CFAP65: variants seen among roughly 807,000 people sequenced by gnomAD.
CFAP65 encodes cilia and flagella associated protein 65.
In CFAP65, 155 loss-of-function variants were observed where a neutral mutation model predicts 208.0. The ratio of observed to expected loss-of-function variants is 0.75; its 90% CI spans 0.65 to 0.85. The LOEUF (loss-of-function observed/expected upper bound fraction) is 0.85. Among genes scored for constraint, CFAP65 ranks in the 40% least tolerant of loss-of-function variants. The probability of loss-of-function intolerance (pLI) is 0.00; values close to 1 mark genes in which losing one functional copy is unlikely to be tolerated. For missense variants in CFAP65, 2,294 were observed against 2,451.3 expected, an observed-to-expected ratio of 0.94 and a Z score of 1.36; for synonymous variants, 970 against 986.3, an observed-to-expected ratio of 0.98 and a Z score of 0.31.
At position 219,038,653 on chromosome 2, in the gene CFAP65, C is replaced by T. The variant is rs116082698; in HGVS notation, c.154-75G>A. On this transcript the variant is annotated intron_variant, in intron 3 of 34. Transcript: ENST00000341552. ...AGGCTGAGGGAGGAGACTCTCATGG[C>T]CATCCTTGTCATGGAGGAGAGGGTC... 786 of 1,372,382 alleles carry T rather than the reference C, an allele frequency of 5.7e-4. 4 individuals are homozygous for T. In the African/African-American group the frequency reaches 0.01, roughly 18 times the overall value. 85.0% of individuals were successfully genotyped at this position (1,372,382 alleles called of 1,614,324 possible).
chr2:219,025,999 AC>A (rs751101937), intron 14 of CFAP65, 22 bp downstream of exon 14: 13 of 1,611,256 alleles, frequency 8.1e-6, no homozygotes, highest in Non-Finnish European at 1.1e-5. Flanking sequence ...TCTCCCTCCC[AC>A]TGCTGTTGGG....
intron 29 of CFAP65, among the ~76,000 whole-genome samples, chr2:219,008,397 C>CT (rs1291043031): frequency 6.6e-6 from 1 of 152,188 alleles, no homozygotes; most frequent in Non-Finnish European, 1.5e-5. Flanking sequence ...GGAATGAAAC[C>CT]TGGGCAATCT....
Position 219,040,193 on chromosome 2 carries a change from G to A in CFAP65, c.-3+326C>T, listed in dbSNP as rs371751260. Among the ~76,000 whole-genome samples, 10 of 152,096 alleles carry A rather than the reference G, an allele frequency of 6.6e-5. No homozygotes were observed. In the East Asian group the frequency reaches 9.6e-4, roughly 15 times the overall value. On this transcript the variant is annotated intron_variant, in intron 2 of 34. Coordinates refer to ENST00000341552, the MANE Select transcript of CFAP65 (RefSeq NM_194302.4). Reference sequence around the variant, plus strand: ...AACAGTTTATGATTACGTGTGACTTGCCCATTTATTTGGCCTAAAATGATC... The same window carrying A: ...AACAGTTTATGATTACGTGTGACTTACCCATTTATTTGGCCTAAAATGATC...
rs1321344546 is a variant in CFAP65 at position 219,009,152 on chromosome 2, C to T, written c.4569G>A (p.Leu1523=). The stretch of plus-strand genomic sequence containing the variant: ...ACTGCCTCATGAGCTGCTGCGAGTA[C>T]AGCTATGGCCCAGGACAGAGAGAGA... ...SFYSADLVCK[L]YSQQLMRQYH... The change falls in exon 29 of 35, where the codon CTG becomes CTA. Residue 1523 remains leucine, a splice_region_variant and synonymous_variant. Transcript: ENST00000341552. The T allele has an allele frequency of 6.2e-7, 1 of 1,612,280 alleles. No homozygotes were observed. The highest frequency in any genetic ancestry group is 8.5e-7 in the Non-Finnish European group (1 of 1,179,518).
Position 219,021,163 on chromosome 2 carries a change from A to T in CFAP65, c.3248T>A (p.Leu1083His), listed in dbSNP as rs913442524. The T allele has an allele frequency of 6.4e-7, 1 of 1,567,234 alleles. No individual in the cohort carries two copies. ...GGCAGTCTAGGTACCTCTGTGGGAA[A>T]GGAGAGAGTAGGTGATGGTCCAGGA... ...QYSWTITYSL[L>H]SHRDNKAGEK... The change falls in exon 19 of 35, where the codon CTT (leucine) becomes CAT (histidine). Residue 1083 changes from leucine (L) to histidine (H), a missense_variant. Leu to His is a moderately conservative substitution (Grantham distance 99). Coordinates refer to ENST00000341552, the MANE Select transcript of CFAP65 (RefSeq NM_194302.4).
intron 13 of CFAP65, chr2:219,027,264 G>A: frequency 6.6e-6 from 9 of 1,370,702 alleles, no homozygotes; most frequent in Non-Finnish European, 8.4e-6. Flanking sequence ...TTTGTCTCTA[G>A]GCCCAGCTTC....
chr2:219,003,404 A>C lies in CFAP65; in HGVS notation c.5556-132T>G. The C allele has an allele frequency of 1.8e-6, 2 of 1,115,510 alleles. No individual in the cohort carries two copies. The highest frequency in any genetic ancestry group is 2.5e-6 in the Non-Finnish European group (2 of 815,726). 69.1% of individuals were successfully genotyped at this position (1,115,510 alleles called of 1,614,324 possible). A position where few individuals can be genotyped will look rare whatever the true frequency, so the allele number is the denominator to read the frequency against. ...TTCGACTCCCCTCATCCACTACACT[A>C]TGGGGCATTCTTGTTTCAATGTTAC... On this transcript the variant is annotated intron_variant, in intron 33 of 34. Transcript: ENST00000341552. This position sits in a 1 kb window ranked among gnomAD's most constrained non-coding sequence, Gnocchi z 4.4.
At position 219,028,271 on chromosome 2, in the gene CFAP65, A is replaced by G. The variant is rs1249709330; in HGVS notation, c.1781T>C (p.Ile594Thr). The stretch of plus-strand genomic sequence containing the variant: ...CTTCTCCTTCAGCATGGCATCCAGG[A>G]TGTCAGGGGGGTAGAGCGTCAGGCC... Reference protein sequence around the residue: ...ARGLTLYPPDILDAMLKEKKL... With the variant: ...ARGLTLYPPDTLDAMLKEKKL... Residue 594 changes from isoleucine to threonine, a missense_variant, in exon 12 of 35, where the codon ATC becomes ACC. Ile to Thr is a moderately conservative substitution (Grantham distance 89). This residue lies in a region of CFAP65 where 867 missense variants were observed against 1,012.6 expected (regional missense o/e 0.86). Coordinates refer to ENST00000341552, the MANE Select transcript of CFAP65 (RefSeq NM_194302.4). 18 of 1,613,912 alleles carry G rather than the reference A, an allele frequency of 1.1e-5. No homozygotes were observed. Among genetic ancestry groups the G allele is most frequent in the Non-Finnish European group, 1.4e-5 (17 of 1,179,950 alleles).
rs1206622697 is a variant in CFAP65, at chr2:219,029,542, T to C, written c.1511A>G (p.Asp504Gly). The C allele has an allele frequency of 1.2e-6, 2 of 1,613,986 alleles. No homozygotes were observed. Among genetic ancestry groups the C allele is most frequent in the Non-Finnish European group, 1.7e-6 (2 of 1,179,984 alleles). Residue 504 changes from aspartate (D) to glycine (G), a missense_variant, in exon 11 of 35, where the codon GAC (aspartate) becomes GGC (glycine). Physicochemically the swap from Asp to Gly is moderately conservative, Grantham distance 94 (BLOSUM62 -1). Coordinates refer to ENST00000341552, the MANE Select transcript of CFAP65 (RefSeq NM_194302.4). ...GATGGTAAAGACACTCTCCAAGCAG[T>C]CGATGGCAAACTGGAAGTGGGCCGT... ...DCTAHFQFAI[D>G]CLESVFTIRP...
intron 4 of CFAP65, 99 bp downstream of exon 4, chr2:219,038,276 A>G (rs944386209): frequency 9.3e-7 from 1 of 1,078,698 alleles, no homozygotes. Flanking sequence ...CAGAGGGAAG[A>G]GTCAGGGCCT....
chr2:219,006,148 C>A lies in CFAP65; in HGVS notation c.4795G>T (p.Val1599Leu). 1.2e-6 allele frequency: 2 copies of A among 1,613,730 alleles called. No individual in the cohort carries two copies. Among genetic ancestry groups the A allele is most frequent in the Non-Finnish European group, 8.5e-7 (1 of 1,179,990 alleles). ...GGTGGCTGGGGGCAGGGCCAGGACACCTCCTCCTTTGGGGTCTGCAGTTTC... is the reference window on the plus strand; with the variant it reads ...GGTGGCTGGGGGCAGGGCCAGGACAACTCCTCCTTTGGGGTCTGCAGTTTC... ...SWKLQTPKEE[V>L]SWPCPQPPSP... is the part of the protein sequence containing the mutation. The change falls in exon 31 of 35, where the codon GTG becomes TTG. Residue 1599 changes from valine to leucine, a missense_variant. Coordinates refer to ENST00000341552, the MANE Select transcript of CFAP65 (RefSeq NM_194302.4).
Position 219,009,254 on chromosome 2 carries a change from G to A in CFAP65, c.4566+93C>T, listed in dbSNP as rs969274184. On this transcript the variant is annotated intron_variant, in intron 28 of 34. Transcript: ENST00000341552. ...TTCCAAGGGCTGACTTCTGCCTTTT[G>A]CTGGGGTCTGGGGATCTCACAGCCC... 4.1e-6 allele frequency: 6 copies of A among 1,456,034 alleles called. No homozygotes were observed. In the African/African-American group the frequency reaches 8.4e-5, roughly 20 times the overall value. 90.2% of individuals were successfully genotyped at this position (1,456,034 alleles called of 1,614,324 possible).
At position 219,027,684 on chromosome 2, in the gene CFAP65, T is replaced by C. The variant is rs561556494; in HGVS notation, c.2177A>G (p.Tyr726Cys). ...HFQPPHPNCL[Y>C]TVELEAFAIY... ...GGCGAAGGCTTCGAGCTCCACCGTG[T>C]AAAGGCAGTTGGGGTGAGGCGGCTG... The change falls in exon 13 of 35, where the codon TAC becomes TGC. Residue 726 changes from tyrosine (Y) to cysteine (C), a missense_variant. By Grantham distance (194) the Tyr-to-Cys change is radical. Around this residue, in one of 2 missense-constraint regions of CFAP65, gnomAD observed 867 missense variants for 1,012.6 expected, o/e 0.86. Coordinates refer to ENST00000341552, the MANE Select transcript of CFAP65 (RefSeq NM_194302.4). 5.0e-6 allele frequency: 8 copies of C among 1,613,982 alleles called. No individual in the cohort carries two copies. Among genetic ancestry groups the C allele is most frequent in the African/African-American group, 4.0e-5 (3 of 75,032 alleles).
rs1574666922 is a variant in CFAP65 at position 219,039,344 on chromosome 2, T to G, written c.-2-294A>C. Reference sequence around the variant, plus strand: ...TCCCCTCTTCCTTTAGCTGGCTTCTTTTAGCACACACACTCAAGTGTGACT... The same window carrying G: ...TCCCCTCTTCCTTTAGCTGGCTTCTGTTAGCACACACACTCAAGTGTGACT... On this transcript the variant is annotated intron_variant, in intron 2 of 34. Transcript: ENST00000341552. 1.4e-5 allele frequency: 3 copies of G among 213,896 alleles called. No individual in the cohort carries two copies. The East Asian group carries it at 2.9e-4, about 21-fold the overall frequency. The allele number at this position is 213,896 out of a possible 1,614,324, so 13.2% of individuals were successfully genotyped here. A position where few individuals can be genotyped will look rare whatever the true frequency, so the allele number is the denominator to read the frequency against.
intron 14 of CFAP65, 30 bp downstream of exon 14, chr2:219,025,992 C>T (rs375263052): frequency 3.7e-5 from 60 of 1,609,644 alleles, no homozygotes; most frequent in Non-Finnish European, 4.2e-5. Flanking sequence ...TCCCCTGTCT[C>T]CCTCCCACTG....
At chr2:219,026,934 T>G (rs1314626505) in intron 13 of CFAP65, 1 of 986,160 alleles carries the variant, frequency 1.0e-6, no homozygotes, top group East Asian at 1.1e-4. Context: ...AGATCGGACG[T>G]GGTCCCAAGT....
chr2:219,011,096 CATGATGT>C, intron 24 of CFAP65, 100 bp from the exon 25 acceptor site: 1 of 1,094,104 alleles, frequency 9.1e-7, no homozygotes, highest in Non-Finnish European at 1.3e-6. Context: ...GGCTGATCTC[CATGATGT>C]CACCCTTTGA....
intron 14 of CFAP65, among the ~76,000 whole-genome samples, chr2:219,025,380 G>A (rs1199950562): frequency 2.0e-5 from 3 of 152,176 alleles, no homozygotes; most frequent in Non-Finnish European, 4.4e-5. Flanking sequence ...AAAGCACATT[G>A]TCCCAAAGTG....
intron 14 of CFAP65, among the ~76,000 whole-genome samples, chr2:219,025,720 C>T (rs1008759956): frequency 6.6e-6 from 1 of 152,204 alleles, no homozygotes; most frequent in African/African-American, 2.4e-5. Context: ...AGGACACAAA[C>T]AAATGCAGGA....
Sources: gnomAD v4.1 joint callset for allele counts (sites outside exome capture counted in the v4.1 genomes callset) on GRCh38, gnomAD v4.1.1 for gene constraint, gnomAD v4.1.1 regional missense constraint, Gnocchi (gnomAD v3.1) non-coding constraint, MANE v1.5 for transcripts, NCBI Gene and HGNC (gene_info 2026-07-23, HGNC 2026-07-21) for gene names.